GRID1: variants seen among roughly 807,000 people sequenced by gnomAD.
GRID1 encodes the protein glutamate ionotropic receptor delta type subunit 1, also known as glutamate receptor ionotropic, delta-1.
Under a neutral mutation model 98.0 loss-of-function variants are expected in GRID1, and 28 were observed. The observed-to-expected ratio is 0.29, with a 90% CI of 0.21 to 0.39. GRID1 has a LOEUF of 0.39. Among genes scored for constraint, GRID1 ranks in the 10% least tolerant of loss-of-function variants. The probability of loss-of-function intolerance (pLI) is 1.00; values close to 1 mark genes in which losing one functional copy is unlikely to be tolerated. For synonymous variants in GRID1, 553 were observed against 538.5 expected (o/e 1.03, Z -0.37); for missense variants, 1,111 against 1,340.5 (o/e 0.83, Z 2.67).
chr10:85,748,316 T>C (rs1419002422), intron 8 of GRID1, among the ~76,000 whole-genome samples: 5 of 152,136 alleles, frequency 3.3e-5, no homozygotes, highest in African/African-American at 1.2e-4. Flanking sequence ...AAGGGTGAGA[T>C]TGCCTGAGAA....
intron 3 of GRID1, among the ~76,000 whole-genome samples, chr10:86,144,692 C>A (rs953708248): frequency 1.2e-4 from 19 of 152,182 alleles, no homozygotes; most frequent in African/African-American, 4.6e-4. Context: ...GGCTTGCAGG[C>A]ACAATCATAT....
intron 2 of GRID1, among the ~76,000 whole-genome samples, chr10:86,255,381 C>T (rs1396233922): frequency 6.6e-6 from 1 of 152,168 alleles, no homozygotes. Context: ...CTGAGTGCAG[C>T]ACAACTTGGA....
chr10:86,268,543 A>G (rs980031364), intron 2 of GRID1, among the ~76,000 whole-genome samples: 2 of 152,248 alleles, frequency 1.3e-5, no homozygotes, highest in Non-Finnish European at 2.9e-5. Context: ...TGCTTCCTGC[A>G]GCATCCAGGC....
intron 4 of GRID1, among the ~76,000 whole-genome samples, chr10:85,926,187 G>A (rs1841772144): frequency 6.6e-6 from 1 of 152,120 alleles, no homozygotes; most frequent in South Asian, 2.1e-4. Context: ...ACTAGGGGAG[G>A]TGGCCAGTAC....
chr10:86,161,230 G>A (rs1845317063), intron 3 of GRID1, among the ~76,000 whole-genome samples: 2 of 152,218 alleles, frequency 1.3e-5, no homozygotes, highest in South Asian at 4.1e-4. Flanking sequence ...CTGGTAGCAA[G>A]GAGTGTCAGG....
intron 2 of GRID1, among the ~76,000 whole-genome samples, chr10:86,256,979 C>T (rs1846930238): frequency 6.6e-6 from 1 of 152,214 alleles, no homozygotes; most frequent in African/African-American, 2.4e-5. Context: ...CAACACAGCC[C>T]CTGTCCCTTC....
chr10:86,216,430 T>C (rs956537975), intron 2 of GRID1, among the ~76,000 whole-genome samples: 2 of 152,190 alleles, frequency 1.3e-5, no homozygotes, highest in East Asian at 1.9e-4. Context: ...ATGGAACTTA[T>C]GTTAGGAATG....
At chr10:85,610,755 G>T in intron 15 of GRID1, among the ~76,000 whole-genome samples, 1 of 152,182 alleles carries the variant, frequency 6.6e-6, no homozygotes, top group East Asian at 1.9e-4. Flanking sequence ...TCTATAGGCA[G>T]GCTTATTAAA....
intron 12 of GRID1, among the ~76,000 whole-genome samples, chr10:85,660,871 ACT>A (rs1564551399): frequency 6.6e-6 from 1 of 150,742 alleles, no homozygotes; most frequent in Admixed American, 6.6e-5. Context: ...TTCAAATATC[ACT>A]CTACGTCTTG....
intron 12 of GRID1, among the ~76,000 whole-genome samples, chr10:85,709,627 C>T (rs755453267): frequency 3.3e-5 from 5 of 152,188 alleles, no homozygotes; most frequent in Non-Finnish European, 7.3e-5. Context: ...TACGCTGTCT[C>T]TCTCTTTTAG....
chr10:85,694,354 G>A (rs546699636), intron 12 of GRID1, among the ~76,000 whole-genome samples: 17 of 151,866 alleles, frequency 1.1e-4, no homozygotes, highest in African/African-American at 3.6e-4. Flanking sequence ...AACATCTATG[G>A]AAAACTGTAT....
intron 4 of GRID1, among the ~76,000 whole-genome samples, chr10:85,964,125 G>A (rs1007712837): frequency 6.6e-6 from 1 of 152,106 alleles, no homozygotes; most frequent in African/African-American, 2.4e-5. Context: ...ACTGCTCAAG[G>A]AAATAAGAGA....
At chr10:85,840,755 A>C (rs1022415380) in intron 8 of GRID1, among the ~76,000 whole-genome samples, 1 of 152,194 alleles carries the variant, frequency 6.6e-6, no homozygotes, top group Admixed American at 6.5e-5. Flanking sequence ...CAAAAAGAAT[A>C]AAATACCAAG....
intron 12 of GRID1, among the ~76,000 whole-genome samples, chr10:85,674,298 T>C (rs899135982): frequency 6.6e-6 from 1 of 152,174 alleles, no homozygotes; most frequent in Non-Finnish European, 1.5e-5. Flanking sequence ...CATTTGGTTC[T>C]AGATGTCCCA....
At chr10:86,102,713 C>A (rs1170751927) in intron 4 of GRID1, among the ~76,000 whole-genome samples, 1 of 152,190 alleles carries the variant, frequency 6.6e-6, no homozygotes, top group Non-Finnish European at 1.5e-5. Context: ...CCATGTGGAA[C>A]CGTGAATCTA....
chr10:86,022,481 AG>A (rs1423838813), intron 4 of GRID1, among the ~76,000 whole-genome samples: 1 of 152,002 alleles, frequency 6.6e-6, no homozygotes, highest in Non-Finnish European at 1.5e-5. Context: ...CCTGCCCATA[AG>A]GGTCATTAGC....
chr10:85,638,532 A>T (rs1843076751), intron 13 of GRID1, among the ~76,000 whole-genome samples: 1 of 152,212 alleles, frequency 6.6e-6, no homozygotes, highest in Non-Finnish European at 1.5e-5. Context: ...AGAGTCCAGA[A>T]ATAGACCAAC....
intron 8 of GRID1, among the ~76,000 whole-genome samples, chr10:85,765,606 G>A (rs540147920): frequency 6.6e-6 from 1 of 152,150 alleles, no homozygotes; most frequent in South Asian, 2.1e-4. Context: ...TTACCTTCAG[G>A]CCATGCATAT....
chr10:86,238,160 T>TG (rs1297746008), intron 2 of GRID1, among the ~76,000 whole-genome samples: 2 of 152,212 alleles, frequency 1.3e-5, no homozygotes, highest in African/African-American at 4.8e-5. Flanking sequence ...TTTGCATATG[T>TG]AAAGAGGAGC....
Sources: allele counts gnomAD v4.1 joint callset (sites outside exome capture counted in the v4.1 genomes callset), GRCh38; gene constraint gnomAD v4.1.1; transcripts MANE v1.5; gene names NCBI Gene and HGNC (gene_info 2026-07-23, HGNC 2026-07-21).